FTCDNL1: variants seen among roughly 807,000 people sequenced by gnomAD.
FTCDNL1 encodes the protein formiminotransferase N-terminal subdomain-containing protein.
A neutral mutation model predicts 5.9 loss-of-function variants in FTCDNL1; 11 were observed. The observed-to-expected ratio is 1.87, with a 90% CI of 1.18 to 3.10. The LOEUF is 3.10. FTCDNL1 is among the 30% of genes most tolerant of loss of function. The pLI, the probability that FTCDNL1 is intolerant of heterozygous loss-of-function variation, is 0.00. For missense variants in FTCDNL1, 115 were observed against 65.5 expected, an observed-to-expected ratio of 1.76 and a Z score of -2.61; for synonymous variants, 58 against 24.8, an observed-to-expected ratio of 2.34 and a Z score of -3.99.
At chr2:199,728,894 T>G in the FTCDNL1 span, among the ~76,000 whole-genome samples, 1 of 152,240 alleles carries the variant, frequency 6.6e-6, no homozygotes, top group Non-Finnish European at 1.5e-5. Flanking sequence ...TTCCCAGGTT[T>G]CCAACAGCTT....
the FTCDNL1 span, among the ~76,000 whole-genome samples, chr2:199,685,728 C>A: frequency 6.6e-6 from 1 of 152,166 alleles, no homozygotes. Context: ...GTTTATAAAT[C>A]CAGGAGTTTT....
the FTCDNL1 span, among the ~76,000 whole-genome samples, chr2:199,725,944 T>A: frequency 6.6e-6 from 1 of 152,214 alleles, no homozygotes; most frequent in Admixed American, 6.5e-5. Flanking sequence ...CTTGCTAGGC[T>A]GGGGAAGTGC....
the FTCDNL1 span, among the ~76,000 whole-genome samples, chr2:199,738,840 C>A: frequency 2.0e-5 from 3 of 152,310 alleles, no homozygotes; most frequent in South Asian, 6.2e-4. Flanking sequence ...CTGTATCCCT[C>A]TCTCAGTACT....
intron 3 of FTCDNL1, among the ~76,000 whole-genome samples, chr2:199,822,294 C>T (rs980912772): frequency 1.1e-4 from 17 of 152,204 alleles, no homozygotes; most frequent in African/African-American, 4.1e-4. Flanking sequence ...GTCCCAGCTA[C>T]TGAAAAGGGT....
intron 3 of FTCDNL1, among the ~76,000 whole-genome samples, chr2:199,792,918 AT>A (rs1364530902): frequency 3.9e-5 from 6 of 152,124 alleles, no homozygotes; most frequent in East Asian, 1.9e-4. Flanking sequence ...TAAGGAACAT[AT>A]TTTTTCCCCT....
intron 2 of FTCDNL1, among the ~76,000 whole-genome samples, chr2:199,848,476 C>T (rs766254691): frequency 1.2e-4 from 18 of 152,176 alleles, no homozygotes; most frequent in Non-Finnish European, 2.1e-4. Context: ...GCATAAGGTA[C>T]GATTATGCTC....
the FTCDNL1 span, among the ~76,000 whole-genome samples, chr2:199,672,957 G>A: frequency 6.6e-6 from 1 of 152,084 alleles, no homozygotes; most frequent in African/African-American, 2.4e-5. Flanking sequence ...TATTGCAGGA[G>A]TATCAAAGAA....
intron 1 of FTCDNL1, among the ~76,000 whole-genome samples, 181 bp from the exon 2 acceptor site, chr2:199,849,150 T>C (rs1159447912): frequency 1.3e-5 from 2 of 152,216 alleles, no homozygotes. Flanking sequence ...AGAAACCATG[T>C]GTACATGGTC....
intron 3 of FTCDNL1, among the ~76,000 whole-genome samples, chr2:199,824,737 CA>C (rs1448249419): frequency 1.1e-4 from 17 of 152,292 alleles, no homozygotes; most frequent in African/African-American, 4.1e-4. Context: ...GGGGAACAGC[CA>C]GTCGATGAAG....
intron 3 of FTCDNL1, among the ~76,000 whole-genome samples, chr2:199,786,664 C>A (rs1411461128): frequency 1.3e-5 from 2 of 152,170 alleles, no homozygotes; most frequent in Admixed American, 1.3e-4. Context: ...ATTTACAGTA[C>A]ATATTTTTTC....
At chr2:199,686,638 C>T in the FTCDNL1 span, among the ~76,000 whole-genome samples, 12 of 151,982 alleles carry the variant, frequency 7.9e-5, no homozygotes, top group Non-Finnish European at 1.3e-4. Flanking sequence ...TTTTGATATA[C>T]AGAAGTGAAA....
chr2:199,774,541 G>A (rs1475651926), intron 3 of FTCDNL1, among the ~76,000 whole-genome samples: 1 of 152,064 alleles, frequency 6.6e-6, no homozygotes. Context: ...TAATGGTGGG[G>A]GCTTTAGGGG....
chr2:199,705,653 T>G, the FTCDNL1 span, among the ~76,000 whole-genome samples: 37 of 152,324 alleles, frequency 2.4e-4, no homozygotes, highest in African/African-American at 8.9e-4. Context: ...ACTTACTGCC[T>G]TGTTTCCTAC....
chr2:199,691,373 A>G, the FTCDNL1 span, among the ~76,000 whole-genome samples: 1 of 152,292 alleles, frequency 6.6e-6, no homozygotes, highest in Admixed American at 6.5e-5. Flanking sequence ...GGGTTTCTCC[A>G]TGTTGGTCAG....
intron 3 of FTCDNL1, among the ~76,000 whole-genome samples, chr2:199,773,441 CTT>C (rs1304043552): frequency 1.3e-5 from 2 of 152,198 alleles, no homozygotes; most frequent in Non-Finnish European, 2.9e-5. Context: ...GAGTACTACT[CTT>C]TCCCCATTGT....
At chr2:199,822,140 C>T (rs1263500128) in intron 3 of FTCDNL1, among the ~76,000 whole-genome samples, 1 of 152,114 alleles carries the variant, frequency 6.6e-6, no homozygotes. Context: ...CAGTGCCTCA[C>T]GCCTGTAATC....
chr2:199,735,115 GAAAAAAAAAAA>G, the FTCDNL1 span, among the ~76,000 whole-genome samples: 1 of 81,600 alleles, frequency 1.2e-5, no homozygotes, highest in Admixed American at 1.5e-4. Context: ...ACTACCTTTA[GAAAAAAAAAAA>G]AAAAAAAAAC....
chr2:199,707,464 G>T, the FTCDNL1 span, among the ~76,000 whole-genome samples: 1 of 151,982 alleles, frequency 6.6e-6, no homozygotes, highest in Non-Finnish European at 1.5e-5. Context: ...TTATCGTAAA[G>T]TTGGGCATAA....
the FTCDNL1 span, among the ~76,000 whole-genome samples, chr2:199,692,595 G>C: frequency 3.9e-5 from 6 of 152,132 alleles, no homozygotes; most frequent in Non-Finnish European, 8.8e-5. Context: ...CATTTGATCA[G>C]TGCTTCTGCC....
Sources: gnomAD v4.1 joint callset for allele counts (sites outside exome capture counted in the v4.1 genomes callset) on GRCh38, gnomAD v4.1.1 for gene constraint, MANE v1.5 for transcripts, NCBI Gene and HGNC (gene_info 2026-07-23, HGNC 2026-07-21) for gene names.